AKR1C3: variants seen among roughly 807,000 people sequenced by gnomAD.
The protein encoded by AKR1C3 is 3-alpha hydroxysteroid dehydrogenase, type II.
Under a neutral mutation model 43.6 loss-of-function variants are expected in AKR1C3, and 48 were observed. The ratio of observed to expected loss-of-function variants is 1.10; its 90% CI spans 0.87 to 1.40. The LOEUF (loss-of-function observed/expected upper bound fraction) is 1.40, where lower values mean the gene tolerates loss of function less well. AKR1C3 is among the 40% of genes most tolerant of loss of function. The pLI is 0.00. For synonymous variants in AKR1C3, 162 were observed against 139.6 expected (o/e 1.16, Z -1.13); for missense variants, 482 against 391.2 (o/e 1.23, Z -1.96).
intron 1 of AKR1C3, chr10:5,077,731 A>C (rs1243031785): frequency 8.5e-7 from 1 of 1,182,650 alleles, no homozygotes; most frequent in Non-Finnish European, 1.0e-6. Flanking sequence ...TTAGAGAAAA[A>C]AGAAAAAAAA....
At chr10:5,056,816 G>C (rs535474514) in intron 1 of AKR1C3, among the ~76,000 whole-genome samples, 8 of 152,202 alleles carry the variant, frequency 5.3e-5, no homozygotes, top group Non-Finnish European at 2.9e-5. Context: ...AACAAGAAAG[G>C]CATGTGAAAA....
At chr10:5,063,893 C>A (rs116496530) in intron 1 of AKR1C3, among the ~76,000 whole-genome samples, 5,998 of 151,310 alleles carry the variant, frequency 0.04, 405 homozygotes, top group African/African-American at 0.14. Flanking sequence ...AGCTCCATCA[C>A]TGTGGGGACA....
In AKR1C3 at chr10:5,097,469, AC is replaced by A. The variant is rs1554785309; in HGVS notation, c.290del (p.Pro97GlnfsTer7). ...STFHRPELVR[P>X]ALENSLKKAQ... ...CTTTTCATCGACCAGAGTTGGTCCG[AC>A]CAGCCTTGGAAAACTCACTGAAGAA... is the stretch of plus-strand genomic sequence containing the variant. On this transcript the variant is annotated frameshift_variant, in exon 3 of 9. Transcript: ENST00000380554. LOFTEE classifies it high-confidence loss of function. 1 of 1,613,834 alleles carries A rather than the reference AC, an allele frequency of 6.2e-7. No homozygotes were observed. The highest frequency in any genetic ancestry group is 8.5e-7 in the Non-Finnish European group (1 of 1,179,800).
At position 5,084,792 on chromosome 10, in the gene AKR1C3, C is replaced by T. The variant is rs540733283; in HGVS notation, c.85-11618C>T. ...TAGTTCTCCTTGAAGAGGTCCTTCA[C>T]ATCCCTTGTAAGTTGGATTCCTAGG... On this transcript the variant is annotated intron_variant, in intron 1 of 8. Coordinates refer to the AKR1C3 transcript ENST00000439082. 4.9e-3 allele frequency among the ~76,000 whole-genome samples: 743 copies of T among 152,260 alleles called. 9 individuals carry two copies. The highest frequency in any genetic ancestry group is 0.017 in the African/African-American group (700 of 41,524).
chr10:5,073,894 A>C (rs1554781557), intron 1 of AKR1C3, among the ~76,000 whole-genome samples: 1 of 152,112 alleles, frequency 6.6e-6, no homozygotes, highest in African/African-American at 2.4e-5. Flanking sequence ...ACTCTTGGGA[A>C]AGGAAGATAA....
intron 1 of AKR1C3, among the ~76,000 whole-genome samples, chr10:5,076,199 T>C (rs545754832): frequency 9.2e-5 from 14 of 152,330 alleles, no homozygotes; most frequent in Admixed American, 2.6e-4. Context: ...AAATTCTGTG[T>C]TACCTACTTG....
chr10:5,094,998 C>T (rs897761500), intron 1 of AKR1C3, among the ~76,000 whole-genome samples: 3 of 152,074 alleles, frequency 2.0e-5, no homozygotes, highest in Admixed American at 1.3e-4. Flanking sequence ...GCAGTGAGTG[C>T]CACCCAGTAT....
intron 1 of AKR1C3, among the ~76,000 whole-genome samples, chr10:5,060,207 C>T (rs1466627997): frequency 1.3e-5 from 2 of 152,120 alleles, no homozygotes; most frequent in Non-Finnish European, 1.5e-5. Context: ...TTGCAAAGAG[C>T]AAAAGAACAA....
In AKR1C3 at chr10:5,098,538, G is replaced by T. The variant is rs1554785504; in HGVS notation, c.370-264G>T. On this transcript the variant is annotated intron_variant, in intron 3 of 8. Coordinates refer to ENST00000380554, the MANE Select transcript of AKR1C3 (RefSeq NM_003739.6). ...GGAAATTATAAGGGCGGAATAAAGT[G>T]ACATAAGTCAACTGTGAAACTTGAT... Among the ~76,000 whole-genome samples, 4 of 152,232 alleles carry T rather than the reference G, an allele frequency of 2.6e-5. No individual in the cohort carries two copies. The South Asian group carries it at 6.2e-4, about 24-fold the overall frequency.
At chr10:5,058,721 C>T (rs984682290) in intron 1 of AKR1C3, among the ~76,000 whole-genome samples, 24 of 152,176 alleles carry the variant, frequency 1.6e-4, no homozygotes, top group African/African-American at 3.9e-4. Flanking sequence ...GCAGCAGAAA[C>T]GCTAGTTTTC....
intron 1 of AKR1C3, among the ~76,000 whole-genome samples, chr10:5,063,004 A>C (rs1479518868): frequency 2.6e-5 from 4 of 152,216 alleles, no homozygotes; most frequent in Non-Finnish European, 5.9e-5. Flanking sequence ...AGAAATGCTG[A>C]AGTGAATAAT....
intron 1 of AKR1C3, among the ~76,000 whole-genome samples, chr10:5,057,860 G>A (rs566262155): frequency 1.3e-5 from 2 of 152,302 alleles, no homozygotes; most frequent in African/African-American, 4.8e-5. Flanking sequence ...TTCATTAAAG[G>A]CCAGGGTTTG....
chr10:5,063,531 C>A (rs1838424034), intron 1 of AKR1C3, among the ~76,000 whole-genome samples: 1 of 151,508 alleles, frequency 6.6e-6, no homozygotes, highest in South Asian at 2.1e-4. Flanking sequence ...AGCAGTTGTT[C>A]ATGCCTGTTA....
chr10:5,087,259 C>G (rs1838987979), intron 1 of AKR1C3, among the ~76,000 whole-genome samples: 2 of 151,994 alleles, frequency 1.3e-5, no homozygotes, highest in East Asian at 1.9e-4. Flanking sequence ...TTAGGGCAGG[C>G]CTGGTGGTGA....
intron 1 of AKR1C3, chr10:5,081,777 A>G (rs1838842751): frequency 6.6e-6 from 1 of 152,210 alleles, no homozygotes; most frequent in Admixed American, 6.6e-5. Context: ...CCAGCTTAGC[A>G]TCTGTCCTGG....
In AKR1C3 at chr10:5,102,619, A is replaced by G. The variant is rs782189846; in HGVS notation, c.815A>G (p.Tyr272Cys). The G allele has an allele frequency of 4.0e-5, 60 of 1,504,562 alleles. No homozygotes were observed. Among genetic ancestry groups the G allele is most frequent in the Non-Finnish European group, 5.3e-5 (60 of 1,125,442 alleles). The allele number at this position is 1,504,562 out of a possible 1,614,324, so 93.2% of individuals were successfully genotyped here. A position where few individuals can be genotyped will look rare whatever the true frequency, so the allele number is the denominator to read the frequency against. The change falls in exon 7 of 9, where the codon TAC becomes TGC. Residue 272 changes from tyrosine (Y) to cysteine (C), a missense_variant. Transcript: ENST00000380554. ...QRGVVVLAKS[Y>C]NEQRIRQNVQ... The stretch of plus-strand genomic sequence containing the variant: ...GGGGTTGTGGTCCTGGCCAAGAGCT[A>G]CAATGAGCAGCGCATCAGACAGAAC...
chr10:5,090,940 A>G (rs1670851064), upstream of AKR1C3, among the ~76,000 whole-genome samples: 1 of 152,120 alleles, frequency 6.6e-6, no homozygotes. Flanking sequence ...CTCAACATTG[A>G]CCATTGGCAT....
chr10:5,107,131 A>G (rs1340455955), intron 8 of AKR1C3, among the ~76,000 whole-genome samples: 1 of 152,208 alleles, frequency 6.6e-6, no homozygotes, highest in Non-Finnish European at 1.5e-5. Context: ...TATATTGCAT[A>G]CAGTAGACAG....
chr10:5,088,566 A>T (rs1384677995), intron 1 of AKR1C3, among the ~76,000 whole-genome samples: 1 of 151,668 alleles, frequency 6.6e-6, no homozygotes, highest in African/African-American at 2.4e-5. Flanking sequence ...GAATCTTTAT[A>T]ATATAATGCT....
Sources: gnomAD v4.1 joint callset for allele counts (sites outside exome capture counted in the v4.1 genomes callset) on GRCh38, gnomAD v4.1.1 for gene constraint, MANE v1.5 for transcripts, NCBI Gene and HGNC (gene_info 2026-07-23, HGNC 2026-07-21) for gene names.